Variants in ROBO2 observed in about 807,000 individuals in gnomAD.
ROBO2 encodes the protein roundabout guidance receptor 2.
Under a neutral mutation model 160.8 loss-of-function variants are expected in ROBO2, and 53 were observed. The ratio of observed to expected loss-of-function variants is 0.33; its 90% CI spans 0.26 to 0.41. The LOEUF (loss-of-function observed/expected upper bound fraction) is 0.41, where lower values mean the gene tolerates loss of function less well. Ranked by LOEUF, ROBO2 falls within the 10% of genes least tolerant of loss-of-function variation. The pLI is 1.00. For synonymous variants in ROBO2, 664 were observed against 611.7 expected (o/e 1.09, Z -1.26); for missense variants, 1,577 against 1,722.4 (o/e 0.92, Z 1.49).
intron 2 of ROBO2, among the ~76,000 whole-genome samples, chr3:76,729,255 A>G (rs1183703922): frequency 6.6e-6 from 1 of 152,016 alleles, no homozygotes; most frequent in African/African-American, 2.4e-5. Flanking sequence ...TTTAACACAA[A>G]TAAATAAAAC....
intron 2 of ROBO2, among the ~76,000 whole-genome samples, chr3:77,328,062 C>CAAAAA (rs57829219): frequency 1.8e-5 from 2 of 112,842 alleles, no homozygotes; most frequent in African/African-American, 3.7e-5. Flanking sequence ...GACCGTATCT[C>CAAAAA]AAAAAAAAAA....
At chr3:76,515,699 G>A (rs1031927720) in intron 2 of ROBO2, among the ~76,000 whole-genome samples, 3 of 152,148 alleles carry the variant, frequency 2.0e-5, no homozygotes, top group Non-Finnish European at 1.5e-5. Context: ...TATTAATACA[G>A]TGGGAGAGGA....
At chr3:77,352,841 G>A (rs1010036821) in intron 2 of ROBO2, among the ~76,000 whole-genome samples, 1 of 152,134 alleles carries the variant, frequency 6.6e-6, no homozygotes, top group Non-Finnish European at 1.5e-5. Flanking sequence ...TCTGTGACAA[G>A]ACGGCTAGAG....
intron 23 of ROBO2, among the ~76,000 whole-genome samples, chr3:77,623,047 A>C (rs527844648): frequency 6.6e-6 from 1 of 152,304 alleles, no homozygotes; most frequent in East Asian, 1.9e-4. Flanking sequence ...CAAACGAAAG[A>C]GTTGCATTGG....
intron 2 of ROBO2, among the ~76,000 whole-genome samples, chr3:76,620,118 A>G (rs1463085110): frequency 1.3e-5 from 2 of 152,276 alleles, no homozygotes; most frequent in African/African-American, 4.8e-5. Context: ...AAATAACCTC[A>G]TGTTTTCTTT....
At chr3:76,489,561 C>G (rs1181271131) in intron 2 of ROBO2, among the ~76,000 whole-genome samples, 1 of 152,088 alleles carries the variant, frequency 6.6e-6, no homozygotes, top group African/African-American at 2.4e-5. Flanking sequence ...GAAGTTTTCA[C>G]CAAACATCAT....
At chr3:76,939,551 G>A (rs903814216) in intron 2 of ROBO2, among the ~76,000 whole-genome samples, 2 of 152,128 alleles carry the variant, frequency 1.3e-5, no homozygotes, top group Non-Finnish European at 2.9e-5. Flanking sequence ...AGCACTTTGG[G>A]AGGCTGAGGT....
chr3:77,394,254 A>T (rs2075042785), intron 2 of ROBO2, among the ~76,000 whole-genome samples: 1 of 152,158 alleles, frequency 6.6e-6, no homozygotes, highest in South Asian at 2.1e-4. Context: ...AGATGCTTTC[A>T]TGTGAAGACC....
chr3:76,845,069 G>T (rs1216136181), intron 2 of ROBO2, among the ~76,000 whole-genome samples: 1 of 151,846 alleles, frequency 6.6e-6, no homozygotes, highest in Non-Finnish European at 1.5e-5. Flanking sequence ...AAACGTAAAA[G>T]AATCAAAGAT....
At chr3:76,445,689 C>T (rs1486507658) in intron 2 of ROBO2, among the ~76,000 whole-genome samples, 1 of 152,112 alleles carries the variant, frequency 6.6e-6, no homozygotes, top group African/African-American at 2.4e-5. Context: ...AGCTTATCCA[C>T]CATGATCAAG....
At chr3:77,410,743 T>TCTTCCTCCTCCTCTTCCTCCTCCTC (rs2076724877) in intron 2 of ROBO2, among the ~76,000 whole-genome samples, 1 of 29,592 alleles carries the variant, frequency 3.4e-5, no homozygotes, top group Non-Finnish European at 6.7e-5. Flanking sequence ...TCCTCCTCCT[T>TCTTCCTCCTCCTCTTCCTCCTCCTC]TTCCTCCTCC....
chr3:77,109,831 T>C (rs1051131710), intron 2 of ROBO2, among the ~76,000 whole-genome samples: 4 of 152,210 alleles, frequency 2.6e-5, no homozygotes, highest in African/African-American at 9.7e-5. Flanking sequence ...CTGATTTACT[T>C]GAACAAGCAA....
chr3:77,506,864 G>T (rs938745365), intron 5 of ROBO2, among the ~76,000 whole-genome samples: 4 of 152,010 alleles, frequency 2.6e-5, no homozygotes, highest in African/African-American at 4.8e-5. Context: ...TTTGTTGCCT[G>T]AGATATGATG....
At chr3:76,238,967 T>C (rs867790290) in intron 2 of ROBO2, among the ~76,000 whole-genome samples, 1 of 152,298 alleles carries the variant, frequency 6.6e-6, no homozygotes, top group Non-Finnish European at 1.5e-5. Context: ...CTGTCTATTC[T>C]AGGGTCTCCA....
At chr3:77,600,908 A>G (rs1422311276) in intron 19 of ROBO2, among the ~76,000 whole-genome samples, 1 of 152,128 alleles carries the variant, frequency 6.6e-6, no homozygotes, top group East Asian at 1.9e-4. Context: ...GTGAAATATG[A>G]TAAGTTAAAA....
chr3:77,133,150 G>A (rs2075996959), intron 2 of ROBO2, among the ~76,000 whole-genome samples: 1 of 152,112 alleles, frequency 6.6e-6, no homozygotes, highest in Admixed American at 6.5e-5. Context: ...TGGTTTATAA[G>A]TACAATGTCA....
chr3:76,602,869 C>G (rs897719433), intron 2 of ROBO2, among the ~76,000 whole-genome samples: 1 of 152,184 alleles, frequency 6.6e-6, no homozygotes, highest in African/African-American at 2.4e-5. Context: ...AGTCTCATTG[C>G]ATAATCTCTA....
intron 2 of ROBO2, among the ~76,000 whole-genome samples, chr3:77,288,465 TTG>T (rs1179711712): frequency 6.6e-6 from 1 of 152,192 alleles, no homozygotes; most frequent in Non-Finnish European, 1.5e-5. Context: ...CATATGGATT[TTG>T]TGTCTTATGG....
chr3:76,029,203 C>T (rs2066838737), intron 2 of ROBO2, among the ~76,000 whole-genome samples: 1 of 151,704 alleles, frequency 6.6e-6, no homozygotes. Flanking sequence ...GGTTTCAAGC[C>T]AGAAATTAAT....
Sources: allele counts gnomAD v4.1 joint callset (sites outside exome capture counted in the v4.1 genomes callset), GRCh38; gene constraint gnomAD v4.1.1; transcripts MANE v1.5; gene names NCBI Gene and HGNC (gene_info 2026-07-23, HGNC 2026-07-21).